Variants in CELF2 observed in about 807,000 individuals in gnomAD.
CELF2 encodes CUG triplet repeat RNA-binding protein 2.
A neutral mutation model predicts 62.6 loss-of-function variants in CELF2; 8 were observed. The ratio of observed to expected loss-of-function variants is 0.13; its 90% confidence interval spans 0.07 to 0.23. The LOEUF (loss-of-function observed/expected upper bound fraction) is 0.23, where lower values mean the gene tolerates loss of function less well. CELF2 is among the 10% of genes least tolerant of loss of function. The probability of loss-of-function intolerance (pLI) is 1.00; values close to 1 mark genes in which losing one functional copy is unlikely to be tolerated. For missense variants in CELF2, 333 were observed against 671.0 expected (o/e 0.50, Z 5.56); for synonymous variants, 258 against 250.0 (o/e 1.03, Z -0.30).
At chr10:10,808,675 C>A (rs1420005858) in intron 1 of CELF2, among the ~76,000 whole-genome samples, 2 of 152,070 alleles carry the variant, frequency 1.3e-5, no homozygotes, top group Non-Finnish European at 2.9e-5. Flanking sequence ...AACCTTAGTT[C>A]TTTTTAAAGT....
chr10:10,860,603 G>A (rs959419328), intron 1 of CELF2, among the ~76,000 whole-genome samples: 17 of 152,176 alleles, frequency 1.1e-4, no homozygotes, highest in Admixed American at 1.1e-3. Context: ...CTGCTAAAAG[G>A]AAAACTTTAG....
intron 2 of CELF2, among the ~76,000 whole-genome samples, chr10:11,186,959 G>GC (rs1203926002): frequency 6.6e-6 from 1 of 152,068 alleles, no homozygotes; most frequent in Non-Finnish European, 1.5e-5. Flanking sequence ...CTTGTTTGAT[G>GC]CCCCATAATA....
At chr10:11,015,714 C>G (rs1052884997), upstream of CELF2, among the ~76,000 whole-genome samples, 2 of 152,214 alleles carry the variant, frequency 1.3e-5, no homozygotes, top group African/African-American at 4.8e-5. This position sits in a 1 kb window ranked among gnomAD's most constrained non-coding sequence, Gnocchi z 4.8. Flanking sequence ...TACTTACATA[C>G]TACTTCACCC....
the CELF2 span, among the ~76,000 whole-genome samples, chr10:10,589,131 T>G: frequency 6.6e-6 from 1 of 152,144 alleles, no homozygotes; most frequent in Non-Finnish European, 1.5e-5. Flanking sequence ...ATTGGTTTGG[T>G]CCAGAAAGGC....
chr10:10,891,024 A>AAACAACAAC (rs3028996), intron 1 of CELF2, among the ~76,000 whole-genome samples: 5 of 151,290 alleles, frequency 3.3e-5, no homozygotes, highest in Admixed American at 3.3e-4. Context: ...TCAAAAAAAC[A>AAACAACAAC]AACAACAACA....
chr10:10,589,458 T>C, the CELF2 span, among the ~76,000 whole-genome samples: 1 of 152,236 alleles, frequency 6.6e-6, no homozygotes, highest in Middle Eastern at 3.2e-3. Flanking sequence ...AGGTTAACTT[T>C]GGAATGCCCT....
chr10:11,124,038 A>G (rs981893009), intron 1 of CELF2, among the ~76,000 whole-genome samples: 7 of 152,220 alleles, frequency 4.6e-5, no homozygotes, highest in Non-Finnish European at 8.8e-5. Context: ...GGTGGCAGGC[A>G]GGAGAGCTTG....
At chr10:10,945,117 C>T (rs545656437) in intron 2 of CELF2, among the ~76,000 whole-genome samples, 312 of 152,240 alleles carry the variant, frequency 2.0e-3, no homozygotes, top group African/African-American at 6.8e-3. Flanking sequence ...GGGACTGGAA[C>T]ATCAGAGAGT....
intron 1 of CELF2, among the ~76,000 whole-genome samples, chr10:11,119,040 C>T (rs981471024): frequency 7.9e-5 from 12 of 152,182 alleles, no homozygotes; most frequent in Non-Finnish European, 1.3e-4. Context: ...TTTCTCAAGC[C>T]GCCATCCAGT....
At position 11,039,889 on chromosome 10, in the gene CELF2, T is replaced by C. The variant is rs1168112804; in HGVS notation, c.74+21726T>C. On this transcript the variant is annotated intron_variant, in intron 1 of 12. Coordinates refer to ENST00000633077, the MANE Select transcript of CELF2 (RefSeq NM_001326342.2). The surrounding 1 kb of genome is among the most constrained non-coding windows in gnomAD (Gnocchi z 4.1). ...ATTGGAATGTGGTATGTGTTGGGGGTGGGATCTTCCTGTTTGTTTTTGTCA... is the reference window on the plus strand; with the variant it reads ...ATTGGAATGTGGTATGTGTTGGGGGCGGGATCTTCCTGTTTGTTTTTGTCA... 6.6e-6 allele frequency among the ~76,000 whole-genome samples: 1 copy of C among 152,140 alleles called. No homozygotes were observed. The highest frequency in any genetic ancestry group is 2.4e-5 in the African/African-American group (1 of 41,430).
chr10:10,649,374 A>G, the CELF2 span, among the ~76,000 whole-genome samples: 2 of 152,160 alleles, frequency 1.3e-5, no homozygotes, highest in Middle Eastern at 3.2e-3. Context: ...TCAGGTCAAT[A>G]TTACCAAACT....
chr10:10,724,310 G>C, the CELF2 span, among the ~76,000 whole-genome samples: 1 of 152,118 alleles, frequency 6.6e-6, no homozygotes, highest in Non-Finnish European at 1.5e-5. Flanking sequence ...GGCCTCCTGG[G>C]CTGTTAGAAT....
At chr10:11,254,331 A>G (rs1394078555) in intron 4 of CELF2, among the ~76,000 whole-genome samples, 2 of 152,278 alleles carry the variant, frequency 1.3e-5, no homozygotes, top group African/African-American at 2.4e-5. Flanking sequence ...AAAGCCCAGC[A>G]CTTCTGTGCA....
intron 1 of CELF2, among the ~76,000 whole-genome samples, chr10:11,147,418 T>C (rs2062478132): frequency 6.6e-6 from 1 of 152,180 alleles, no homozygotes; most frequent in South Asian, 2.1e-4. Flanking sequence ...TATTTTAAGA[T>C]TGTTAGATTT....
chr10:10,462,615 CTTTTTTT>C, the CELF2 span, among the ~76,000 whole-genome samples: 13 of 69,416 alleles, frequency 1.9e-4, no homozygotes, highest in African/African-American at 3.4e-4. Flanking sequence ...TTTTTTTCAT[CTTTTTTT>C]TTTTTTTTTT....
the CELF2 span, among the ~76,000 whole-genome samples, chr10:10,764,657 T>A: frequency 6.6e-6 from 1 of 152,206 alleles, no homozygotes. Context: ...TGTCTCAGAA[T>A]CTTAATTTCC....
intron 1 of CELF2, among the ~76,000 whole-genome samples, chr10:10,834,071 A>G (rs1008690557): frequency 1.3e-5 from 2 of 152,256 alleles, no homozygotes; most frequent in Non-Finnish European, 2.9e-5. Flanking sequence ...CTAAATGTCC[A>G]TCAGTAGTGG....
intron 1 of CELF2, among the ~76,000 whole-genome samples, chr10:10,835,511 T>C (rs2058215738): frequency 6.6e-6 from 1 of 152,034 alleles, no homozygotes. Flanking sequence ...GCCTCCTCAG[T>C]AGCTGGGGCT....
chr10:10,729,119 A>G, the CELF2 span, among the ~76,000 whole-genome samples: 5 of 152,232 alleles, frequency 3.3e-5, no homozygotes, highest in Non-Finnish European at 7.3e-5. Context: ...TTGAGGTTTA[A>G]ATACCAATTT....
Sources: gnomAD v4.1 joint callset for allele counts (sites outside exome capture counted in the v4.1 genomes callset) on GRCh38, gnomAD v4.1.1 for gene constraint, Gnocchi (gnomAD v3.1) non-coding constraint, MANE v1.5 for transcripts, NCBI Gene and HGNC (gene_info 2026-07-23, HGNC 2026-07-21) for gene names.